The following LRMDA variants were observed in gnomAD, a reference collection of about 807,000 sequenced individuals.
The protein encoded by LRMDA is leucine-rich melanocyte differentiation-associated protein.
Under a neutral mutation model 29.8 loss-of-function variants are expected in LRMDA, and 18 were observed. That is an observed-to-expected ratio of 0.60 (90% CI 0.42 to 0.90). The LOEUF (loss-of-function observed/expected upper bound fraction) is 0.90, where lower values mean the gene tolerates loss of function less well. LRMDA is among the 40% of genes least tolerant of loss of function. The pLI is 0.00. For missense variants in LRMDA, 273 were observed against 273.9 expected (o/e 1.00, Z 0.02); for synonymous variants, 125 against 109.4 (o/e 1.14, Z -0.89).
At chr10:75,481,109 C>T (rs1002214601) in intron 2 of LRMDA, among the ~76,000 whole-genome samples, 1 of 152,012 alleles carries the variant, frequency 6.6e-6, no homozygotes. Context: ...GTCCAGGACA[C>T]AGTAGATATA....
chr10:76,306,704 T>G (rs987877496), intron 5 of LRMDA, among the ~76,000 whole-genome samples: 1 of 152,244 alleles, frequency 6.6e-6, no homozygotes, highest in African/African-American at 2.4e-5. Context: ...ACATTAGAAT[T>G]AATTTTCCCA....
At position 75,739,081 on chromosome 10, in the gene LRMDA, G is replaced by A. The variant is rs148382871; in HGVS notation, c.132-296927G>A. ...TGTGTGGCCGCTGCGAGAGGCAGGC[G>A]GAGGTCACCTCAATATGGCTGACAT... On this transcript the variant is annotated intron_variant, in intron 2 of 6. Transcript: ENST00000611255. 5.0e-3 allele frequency among the ~76,000 whole-genome samples: 760 copies of A among 152,280 alleles called. 10 individuals carry two copies. The highest frequency in any genetic ancestry group is 0.018 in the African/African-American group (730 of 41,556).
At chr10:75,726,629 A>G (rs1842634288) in intron 2 of LRMDA, among the ~76,000 whole-genome samples, 1 of 152,208 alleles carries the variant, frequency 6.6e-6, no homozygotes, top group African/African-American at 2.4e-5. Flanking sequence ...GGAAAAATAC[A>G]GTGGTAAAAC....
intron 2 of LRMDA, among the ~76,000 whole-genome samples, chr10:75,931,858 A>G (rs569021887): frequency 1.3e-5 from 2 of 152,282 alleles, no homozygotes; most frequent in Admixed American, 6.5e-5. Context: ...TTAGGAGCCC[A>G]TGTTCACACA....
intron 2 of LRMDA, among the ~76,000 whole-genome samples, chr10:75,555,822 A>T (rs1430751511): frequency 2.6e-4 from 39 of 152,190 alleles, no homozygotes; most frequent in Admixed American, 2.6e-3. Flanking sequence ...GTGCCCAAGG[A>T]CATAAAGGGA....
intron 2 of LRMDA, among the ~76,000 whole-genome samples, chr10:75,630,330 T>A (rs567831188): frequency 6.6e-6 from 1 of 152,212 alleles, no homozygotes; most frequent in South Asian, 2.1e-4. Context: ...TCTCCACTCT[T>A]TGAAGGACTA....
intron 2 of LRMDA, among the ~76,000 whole-genome samples, chr10:76,001,680 G>C (rs1847565744): frequency 6.7e-6 from 1 of 150,246 alleles, no homozygotes; most frequent in Non-Finnish European, 1.5e-5. Flanking sequence ...TCTTAGTTTT[G>C]CAATTTTTAT....
intron 2 of LRMDA, among the ~76,000 whole-genome samples, chr10:75,507,615 C>T (rs1845183677): frequency 6.6e-6 from 1 of 152,114 alleles, no homozygotes; most frequent in Non-Finnish European, 1.5e-5. Flanking sequence ...TGTTTCGGAG[C>T]CAGTTCCTAT....
intron 2 of LRMDA, among the ~76,000 whole-genome samples, chr10:75,923,522 A>T (rs1846062080): frequency 6.6e-6 from 1 of 152,162 alleles, no homozygotes; most frequent in Non-Finnish European, 1.5e-5. Context: ...CCAGTCTCAT[A>T]AATCTCAGTC....
At chr10:76,318,179 C>T (rs1445837931) in intron 5 of LRMDA, among the ~76,000 whole-genome samples, 1 of 152,188 alleles carries the variant, frequency 6.6e-6, no homozygotes, top group Non-Finnish European at 1.5e-5. Flanking sequence ...ACAACTCTTA[C>T]ATTCTGTGAT....
At chr10:75,443,269 C>T (rs1844351021) in intron 2 of LRMDA, among the ~76,000 whole-genome samples, 1 of 152,120 alleles carries the variant, frequency 6.6e-6, no homozygotes, top group African/African-American at 2.4e-5. Flanking sequence ...AGTGGGCATC[C>T]TTATTCCTGA....
chr10:75,668,588 C>T (rs1418256998), intron 2 of LRMDA, among the ~76,000 whole-genome samples: 1 of 152,098 alleles, frequency 6.6e-6, no homozygotes, highest in Non-Finnish European at 1.5e-5. Context: ...ATGGATATAT[C>T]ACAAGCCCCC....
At position 75,682,223 on chromosome 10, in the gene LRMDA, G is replaced by A. The variant is rs537642676; in HGVS notation, c.131+243729G>A. Among the ~76,000 whole-genome samples the A allele has an allele frequency of 2.3e-4, 35 of 152,326 alleles. No individual in the cohort carries two copies. In the South Asian group the frequency reaches 6.6e-3, roughly 29 times the overall value. ...CTCTAACTGTGAACGCTTTGAGAGC[G>A]AAGATAGCATCCTGTTTTCTCTTGG... On this transcript the variant is annotated intron_variant, in intron 2 of 6. Transcript: ENST00000611255.
intron 2 of LRMDA, among the ~76,000 whole-genome samples, chr10:75,498,865 C>T (rs1189660716): frequency 6.6e-6 from 1 of 152,048 alleles, no homozygotes; most frequent in Admixed American, 6.5e-5. Flanking sequence ...TGGCCTTCCA[C>T]GAATCCTCTC....
At chr10:75,864,515 T>C (rs971748047) in intron 2 of LRMDA, among the ~76,000 whole-genome samples, 1 of 152,190 alleles carries the variant, frequency 6.6e-6, no homozygotes, top group African/African-American at 2.4e-5. Flanking sequence ...TATAATATAC[T>C]ATTTGACCAC....
chr10:75,812,777 T>C (rs1843987291), intron 2 of LRMDA, among the ~76,000 whole-genome samples: 1 of 152,204 alleles, frequency 6.6e-6, no homozygotes. Flanking sequence ...CATAAGACTT[T>C]GAAATTCAAG....
In LRMDA at chr10:75,431,737, G is replaced by A. The variant is rs1200600548; in HGVS notation, c.13G>A (p.Val5Met). 7.4e-5 allele frequency: 101 copies of A among 1,370,456 alleles called. No individual in the cohort carries two copies. The highest frequency in any genetic ancestry group is 9.3e-5 in the Non-Finnish European group (98 of 1,057,134). The allele number at this position is 1,370,456 out of a possible 1,614,324, so 84.9% of individuals were successfully genotyped here. A position where few individuals can be genotyped will look rare whatever the true frequency, so the allele number is the denominator to read the frequency against. The change falls in exon 1 of 7, where the codon GTG becomes ATG. Residue 5 changes from valine to methionine, a missense_variant. By Grantham distance (21) the Val-to-Met change is conservative. Coordinates refer to ENST00000611255, the MANE Select transcript of LRMDA (RefSeq NM_001305581.2). MAGL[V>M]VRGTQVSYIG... is the part of the protein sequence containing the mutation. ...CGTCCTGGCCGCCATGGCCGGGCTC[G>A]TGGTGCGTGGAACTCAAGTAAGTCC...
chr10:76,376,903 T>TTTTTTTA (rs1841528207), intron 6 of LRMDA, among the ~76,000 whole-genome samples: 1 of 118,252 alleles, frequency 8.5e-6, no homozygotes, highest in Non-Finnish European at 1.7e-5. Flanking sequence ...TTTTTTTTTT[T>TTTTTTTA]GAGACGTAGT....
chr10:76,473,445 G>T (rs558437589), intron 6 of LRMDA, among the ~76,000 whole-genome samples: 1 of 151,538 alleles, frequency 6.6e-6, no homozygotes, highest in East Asian at 1.9e-4. Flanking sequence ...TCCCCCCTAT[G>T]ATCAGGAACA....
Sources: allele counts gnomAD v4.1 joint callset (sites outside exome capture counted in the v4.1 genomes callset), GRCh38; gene constraint gnomAD v4.1.1; transcripts MANE v1.5; gene names NCBI Gene and HGNC (gene_info 2026-07-23, HGNC 2026-07-21).